CLTC: variants seen among roughly 807,000 people sequenced by gnomAD.
CLTC encodes the protein clathrin heavy chain, also known as clathrin heavy chain 1.
In CLTC, 16 loss-of-function variants were observed where a neutral mutation model predicts 195.8. That is an observed-to-expected ratio of 0.08 (90% CI 0.06 to 0.12). The LOEUF (loss-of-function observed/expected upper bound fraction) is 0.12, where lower values mean the gene tolerates loss of function less well. Ranked by LOEUF, CLTC falls within the 10% of genes least tolerant of loss-of-function variation. The pLI, the probability that CLTC is intolerant of heterozygous loss-of-function variation, is 1.00. For synonymous variants in CLTC, 667 were observed against 689.4 expected (o/e 0.97, Z 0.51); for missense variants, 796 against 2,027.0 (o/e 0.39, Z 11.66).
intron 16 of CLTC, among the ~76,000 whole-genome samples, chr17:59,675,508 C>T (rs72839092): frequency 0.022 from 3,327 of 152,202 alleles, 46 homozygotes; most frequent in Non-Finnish European, 0.034. Context: ...CTGTGGGTTT[C>T]ATTTTAACCT....
At chr17:59,657,767 CAAA>C (rs995771746) in intron 6 of CLTC, among the ~76,000 whole-genome samples, 5 of 60,524 alleles carry the variant, frequency 8.3e-5, no homozygotes, top group Admixed American at 1.9e-4. Context: ...GACTCTGTCT[CAAA>C]AAAAAAAAAA....
chr17:59,658,214 G>A (rs2032522344), intron 6 of CLTC, among the ~76,000 whole-genome samples: 1 of 151,842 alleles, frequency 6.6e-6, no homozygotes, highest in Admixed American at 6.6e-5. Context: ...AAAAAAAAAA[G>A]AGAGAGAGCG....
intron 30 of CLTC, among the ~76,000 whole-genome samples, chr17:59,688,615 T>C (rs563865663): frequency 5.3e-4 from 81 of 152,338 alleles, no homozygotes; most frequent in African/African-American, 1.9e-3. Context: ...AACTTTTTGC[T>C]TAGCTTGATG....
chr17:59,668,087 A>G (rs2032770649), intron 13 of CLTC, among the ~76,000 whole-genome samples: 1 of 152,254 alleles, frequency 6.6e-6, no homozygotes, highest in Admixed American at 6.5e-5. Context: ...CCACATTTCA[A>G]GTGCTTAATA....
chr17:59,684,124 GGATT>G (rs1178265466), intron 28 of CLTC, 139 bp downstream of exon 28: 2 of 596,426 alleles, frequency 3.4e-6, no homozygotes, highest in Non-Finnish European at 5.9e-6. Context: ...TAAGATTTCA[GGATT>G]GATAAATCTT....
Position 59,635,104 on chromosome 17 carries a change from T to G in CLTC, c.43-9172T>G, listed in dbSNP as rs796682884. Among the ~76,000 whole-genome samples, 15 of 151,768 alleles carry G rather than the reference T, an allele frequency of 9.9e-5. No individual in the cohort carries two copies. In the East Asian group the frequency reaches 1.2e-3, roughly 12 times the overall value. ...GCAGGTCTCTCAGATTGTTGACCTA[T>G]TAACTCTACAGTGGTAACACTTCTA... On this transcript the variant is annotated intron_variant, in intron 1 of 31. Coordinates refer to ENST00000269122, the MANE Select transcript of CLTC (RefSeq NM_004859.4).
intron 5 of CLTC, among the ~76,000 whole-genome samples, chr17:59,655,504 T>C (rs1275147313): frequency 1.3e-5 from 2 of 152,074 alleles, no homozygotes; most frequent in South Asian, 2.1e-4. Context: ...TGTTGGAAAA[T>C]AGTGCCAATA....
At chr17:59,673,325 T>G (rs954057230) in intron 14 of CLTC, among the ~76,000 whole-genome samples, 6 of 152,202 alleles carry the variant, frequency 3.9e-5, no homozygotes, top group African/African-American at 1.4e-4. Flanking sequence ...AGAAGTGTTA[T>G]TACCAGTGAA....
intron 1 of CLTC, among the ~76,000 whole-genome samples, chr17:59,637,313 C>T (rs965711250): frequency 4.0e-5 from 6 of 151,102 alleles, no homozygotes; most frequent in Non-Finnish European, 8.9e-5. Context: ...GGCACAATCT[C>T]GGCTCACTGC....
At chr17:59,670,773 C>T (rs1297177408) in intron 14 of CLTC, among the ~76,000 whole-genome samples, 1 of 152,020 alleles carries the variant, frequency 6.6e-6, no homozygotes, top group East Asian at 1.9e-4. Flanking sequence ...CCTCTGGGTA[C>T]TAGGATGGTA....
intron 6 of CLTC, among the ~76,000 whole-genome samples, chr17:59,656,461 T>G (rs1193604299): frequency 6.6e-6 from 1 of 152,124 alleles, no homozygotes; most frequent in African/African-American, 2.4e-5. Flanking sequence ...GGAAAAGAAT[T>G]CTACCTACAT....
intron 18 of CLTC, among the ~76,000 whole-genome samples, chr17:59,680,596 T>A (rs910799901): frequency 2.0e-5 from 3 of 152,132 alleles, no homozygotes; most frequent in Non-Finnish European, 4.4e-5. Context: ...ACCAGACGAA[T>A]TACCGATATT....
chr17:59,691,913 G>A (rs2143617160), intron 31 of CLTC, among the ~76,000 whole-genome samples: 1 of 152,188 alleles, frequency 6.6e-6, no homozygotes, highest in Admixed American at 6.5e-5. Flanking sequence ...TAATACTTTG[G>A]GGTTACCTAC....
rs367867382 is a variant in CLTC, at chr17:59,685,703, C to T, written c.4722C>T (p.Tyr1574=). Residue 1574 remains tyrosine, a synonymous_variant, in exon 30 of 32, where the codon TAC becomes TAT. Coordinates refer to ENST00000269122, the MANE Select transcript of CLTC (RefSeq NM_004859.4). This position sits in a 1 kb window ranked among gnomAD's most constrained non-coding sequence, Gnocchi z 5.0. The part of the protein sequence containing the change: ...ECFGACLFTC[Y]DLLRPDVVLE... ...TTGGAGCTTGTCTGTTTACCTGTTA[C>T]GATCTTTTAAGGCCAGATGTCGTCC... The T allele has an allele frequency of 9.6e-5, 155 of 1,614,048 alleles. 1 individual carries two copies. The highest frequency in any genetic ancestry group is 3.1e-4 in the South Asian group (28 of 91,070).
intron 6 of CLTC, chr17:59,658,710 G>C (rs1230760849): frequency 6.6e-6 from 1 of 152,186 alleles, no homozygotes; most frequent in South Asian, 2.1e-4. Flanking sequence ...TCCTGTAGCA[G>C]ATCTTACTAA....
chr17:59,692,840 A>T (rs573327962), intron 31 of CLTC, among the ~76,000 whole-genome samples: 1 of 151,978 alleles, frequency 6.6e-6, no homozygotes, highest in South Asian at 2.1e-4. Flanking sequence ...GGGTTTCACC[A>T]TATCGGCCAC....
intron 14 of CLTC, among the ~76,000 whole-genome samples, chr17:59,672,533 C>G (rs1165889177): frequency 1.3e-5 from 2 of 152,082 alleles, no homozygotes; most frequent in African/African-American, 2.4e-5. Context: ...TAGAAATGAT[C>G]GTAACAGCTA....
intron 1 of CLTC, among the ~76,000 whole-genome samples, chr17:59,630,556 C>T (rs989813131): frequency 1.9e-4 from 29 of 152,172 alleles, no homozygotes; most frequent in Admixed American, 1.4e-3. Context: ...ACCCCATACA[C>T]GTGAAGCAGT....
chr17:59,661,342 T>C, intron 7 of CLTC, 101 bp from the exon 8 acceptor site: 1 of 868,396 alleles, frequency 1.2e-6, no homozygotes, highest in Non-Finnish European at 1.9e-6. Context: ...GATTGATCTC[T>C]ACAGGGTGTT....
Sources: gnomAD v4.1 joint callset for allele counts (sites outside exome capture counted in the v4.1 genomes callset) on GRCh38, gnomAD v4.1.1 for gene constraint, Gnocchi (gnomAD v3.1) non-coding constraint, MANE v1.5 for transcripts, NCBI Gene and HGNC (gene_info 2026-07-23, HGNC 2026-07-21) for gene names.